SYN3: variants seen among roughly 807,000 people sequenced by gnomAD.
SYN3 encodes synapsin III.
In SYN3, 35 loss-of-function variants were observed where a neutral mutation model predicts 65.8. That is an observed-to-expected ratio of 0.53 (90% CI 0.41 to 0.70). SYN3 has a LOEUF of 0.70. Ranked by LOEUF, SYN3 falls within the 30% of genes least tolerant of loss-of-function variation. The pLI, the probability that SYN3 is intolerant of heterozygous loss-of-function variation, is 0.00. For synonymous variants in SYN3, 270 were observed against 292.9 expected, an observed-to-expected ratio of 0.92 and a Z score of 0.80; for missense variants, 680 against 749.0, an observed-to-expected ratio of 0.91 and a Z score of 1.08.
intron 6 of SYN3, among the ~76,000 whole-genome samples, chr22:32,642,586 C>A (rs144057794): frequency 6.6e-6 from 1 of 151,848 alleles, no homozygotes; most frequent in East Asian, 2.0e-4. Flanking sequence ...GGACTACAGG[C>A]GCCCCCACCA....
intron 4 of SYN3, among the ~76,000 whole-genome samples, chr22:32,882,190 C>T (rs562808762): frequency 8.7e-4 from 132 of 152,238 alleles, no homozygotes; most frequent in Admixed American, 2.1e-3. Context: ...GCTGCCTCTC[C>T]AGCCTCCTCC....
In SYN3 at chr22:32,721,417, C is replaced by A; in HGVS notation, c.712-124681G>T. Among the ~76,000 whole-genome samples the A allele has an allele frequency of 2.6e-5, 4 of 152,150 alleles. No individual in the cohort carries two copies. The Middle Eastern group carries it at 0.01, about 388-fold the overall frequency. On this transcript the variant is annotated intron_variant, in intron 6 of 13. Coordinates refer to ENST00000358763, the MANE Select transcript of SYN3 (RefSeq NM_003490.4). ...CTGTCCCAGGTGTCTTCAATAAAAC[C>A]CCCAGAAATCATCCATCCATCCATC...
At chr22:32,870,219 C>G (rs1214115086) in intron 4 of SYN3, among the ~76,000 whole-genome samples, 1 of 152,138 alleles carries the variant, frequency 6.6e-6, no homozygotes, top group Non-Finnish European at 1.5e-5. Context: ...CATAATTTTA[C>G]AATGCAGAGG....
intron 9 of SYN3, among the ~76,000 whole-genome samples, chr22:32,534,740 C>T (rs1382110559): frequency 6.6e-6 from 1 of 152,186 alleles, no homozygotes; most frequent in Non-Finnish European, 1.5e-5. Context: ...ACTCTCACAT[C>T]GCTTTGCGTC....
chr22:32,960,500 C>T (rs1387358911), intron 3 of SYN3, among the ~76,000 whole-genome samples: 6 of 152,330 alleles, frequency 3.9e-5, no homozygotes, highest in East Asian at 1.9e-4. Flanking sequence ...CTGTGCCCCC[C>T]GCCTGCATGT....
intron 7 of SYN3, among the ~76,000 whole-genome samples, chr22:32,556,056 C>T (rs943444638): frequency 1.3e-5 from 2 of 152,156 alleles, no homozygotes; most frequent in African/African-American, 2.4e-5. Context: ...AACCCTAAAG[C>T]AGAGGTTCCC....
chr22:32,616,533 A>G (rs1234183580), intron 6 of SYN3, among the ~76,000 whole-genome samples: 1 of 152,134 alleles, frequency 6.6e-6, no homozygotes, highest in Non-Finnish European at 1.5e-5. Context: ...AGTGCTGAGT[A>G]TAATAGCATC....
At chr22:32,849,693 A>G (rs1478550899) in intron 6 of SYN3, among the ~76,000 whole-genome samples, 1 of 152,180 alleles carries the variant, frequency 6.6e-6, no homozygotes, top group African/African-American at 2.4e-5. Context: ...CTAAGGCTGC[A>G]TAAAGGGATG....
At position 33,055,631 on chromosome 22, in the gene SYN3, T is replaced by C. The variant is rs536885281; in HGVS notation, c.-163+2661A>G. Among the ~76,000 whole-genome samples, 327 of 152,068 alleles carry C rather than the reference T, an allele frequency of 2.2e-3. 1 individual carries two copies. Among genetic ancestry groups the C allele is most frequent in the Admixed American group, 5.3e-3 (81 of 15,276 alleles). On this transcript the variant is annotated intron_variant, in intron 1 of 13. Transcript: ENST00000358763. ...GGAGGACCAACAATAGGAAAGTAAA[T>C]AAAATAGATAAATGACTGTTACGAA... is the stretch of plus-strand genomic sequence containing the variant.
intron 6 of SYN3, among the ~76,000 whole-genome samples, chr22:32,757,293 C>CATTT (rs1169858048): frequency 6.8e-5 from 7 of 103,252 alleles, no homozygotes; most frequent in Non-Finnish European, 1.1e-4. Flanking sequence ...GCTCCTCCTA[C>CATTT]CTTTTTTTTT....
chr22:32,590,423 ATAC>A (rs1179281368), intron 7 of SYN3, among the ~76,000 whole-genome samples: 3 of 152,246 alleles, frequency 2.0e-5, no homozygotes, highest in Non-Finnish European at 1.5e-5. Flanking sequence ...TTATATGAAT[ATAC>A]TACAATTGAT....
chr22:32,665,731 T>C (rs1375697958), intron 6 of SYN3, among the ~76,000 whole-genome samples: 2 of 152,082 alleles, frequency 1.3e-5, no homozygotes, highest in Non-Finnish European at 2.9e-5. Flanking sequence ...TTCCTGACTT[T>C]GTATCAGTGA....
At chr22:32,847,905 C>T (rs1043497343) in intron 6 of SYN3, among the ~76,000 whole-genome samples, 1 of 152,232 alleles carries the variant, frequency 6.6e-6, no homozygotes, top group Non-Finnish European at 1.5e-5. Flanking sequence ...GTATCCAGCA[C>T]CCTCATCACA....
chr22:32,542,729 A>T (rs2058278382), intron 7 of SYN3, among the ~76,000 whole-genome samples: 1 of 151,662 alleles, frequency 6.6e-6, no homozygotes, highest in South Asian at 2.1e-4. Context: ...CACACTGTTG[A>T]CTAGACTGAG....
chr22:33,016,546 TACACTCGCTCCA>T (rs1162909705), intron 1 of SYN3, among the ~76,000 whole-genome samples: 3 of 152,200 alleles, frequency 2.0e-5, no homozygotes, highest in Admixed American at 2.0e-4. Context: ...CCCTTTTCTT[TACACTCGCTCCA>T]ACACTTGTAT....
At chr22:32,718,024 C>A (rs1274497176) in intron 6 of SYN3, among the ~76,000 whole-genome samples, 1 of 152,222 alleles carries the variant, frequency 6.6e-6, no homozygotes, top group Non-Finnish European at 1.5e-5. Context: ...TTTAAGGCGA[C>A]TAGCTTGTGT....
intron 6 of SYN3, among the ~76,000 whole-genome samples, chr22:32,755,211 ATG>A (rs1460815235): frequency 6.6e-6 from 1 of 152,226 alleles, no homozygotes; most frequent in Non-Finnish European, 1.5e-5. Flanking sequence ...AGGTAGGACT[ATG>A]ATAATTCCCA....
chr22:32,832,443 T>G (rs1307733821), intron 6 of SYN3, among the ~76,000 whole-genome samples: 1 of 151,452 alleles, frequency 6.6e-6, no homozygotes, highest in African/African-American at 2.4e-5. Flanking sequence ...CAAACTCACA[T>G]AGAAAATGAA....
intron 6 of SYN3, among the ~76,000 whole-genome samples, chr22:32,597,295 A>C (rs1371912111): frequency 7.4e-6 from 1 of 134,794 alleles, no homozygotes; most frequent in Non-Finnish European, 1.5e-5. Context: ...AGCTCACTGC[A>C]ACCTTTGCCT....
Sources: allele counts gnomAD v4.1 joint callset (sites outside exome capture counted in the v4.1 genomes callset), GRCh38; gene constraint gnomAD v4.1.1; transcripts MANE v1.5; gene names NCBI Gene and HGNC (gene_info 2026-07-23, HGNC 2026-07-21).